Variants in AGMO observed in about 807,000 individuals in gnomAD.
The protein encoded by AGMO is glyceryl-ether monooxygenase.
Under a neutral mutation model 60.2 loss-of-function variants are expected in AGMO, and 75 were observed. The ratio of observed to expected loss-of-function variants is 1.25; its 90% CI spans 1.03 to 1.51. AGMO has a LOEUF of 1.51. AGMO is among the 40% of genes most tolerant of loss of function. The pLI is 0.00. For synonymous variants in AGMO, 261 were observed against 177.1 expected (o/e 1.47, Z -3.76); for missense variants, 763 against 525.5 (o/e 1.45, Z -4.42).
intron 12 of AGMO, among the ~76,000 whole-genome samples, chr7:15,345,562 T>C (rs755043425): frequency 8.5e-5 from 13 of 152,198 alleles, no homozygotes; most frequent in Non-Finnish European, 1.6e-4. Flanking sequence ...ACTATTTTAT[T>C]TGATCCTCCA....
At position 15,561,916 on chromosome 7, in the gene AGMO, G is replaced by C. The variant is rs774559035; in HGVS notation, c.-71C>G. ...TGCTTGAAGCCTGAGGCTGAACAAA[G>C]AGGACGAGATGTGCAGCTCAGAACA... On this transcript the variant is annotated 5_prime_UTR_variant, in exon 1 of 13. Transcript: ENST00000342526. 6.7e-7 allele frequency: 1 copy of C among 1,494,330 alleles called. No individual in the cohort carries two copies. The highest frequency in any genetic ancestry group is 2.3e-5 in the East Asian group (1 of 42,996). The allele number at this position is 1,494,330 out of a possible 1,614,324, so 92.6% of individuals were successfully genotyped here.
chr7:15,302,017 T>G (rs1780452978), intron 12 of AGMO, among the ~76,000 whole-genome samples: 2 of 152,146 alleles, frequency 1.3e-5, no homozygotes, highest in Non-Finnish European at 2.9e-5. Flanking sequence ...TTTATTTACT[T>G]AAAATATGTT....
chr7:15,347,366 T>A (rs952227533), intron 12 of AGMO, among the ~76,000 whole-genome samples: 1 of 152,056 alleles, frequency 6.6e-6, no homozygotes, highest in Non-Finnish European at 1.5e-5. Context: ...ACTTATAAAA[T>A]AGCACAACTG....
At chr7:15,309,272 G>A (rs924209343) in intron 12 of AGMO, among the ~76,000 whole-genome samples, 7 of 152,048 alleles carry the variant, frequency 4.6e-5, no homozygotes, top group Admixed American at 1.3e-4. Context: ...AGCTGAGTAG[G>A]GCCAACATTT....
chr7:15,485,546 G>A (rs1442601106), intron 3 of AGMO, among the ~76,000 whole-genome samples: 3 of 151,958 alleles, frequency 2.0e-5, no homozygotes, highest in Admixed American at 6.6e-5. Context: ...TTTTTGGTCA[G>A]GGAACCCTGT....
At chr7:15,357,396 C>G (rs556808078) in intron 12 of AGMO, among the ~76,000 whole-genome samples, 41 of 152,018 alleles carry the variant, frequency 2.7e-4, no homozygotes, top group African/African-American at 9.9e-4. Flanking sequence ...ACACTAACCA[C>G]CACCGTGAGA....
intron 12 of AGMO, among the ~76,000 whole-genome samples, chr7:15,319,867 G>C (rs562073286): frequency 6.6e-6 from 1 of 152,046 alleles, no homozygotes; most frequent in South Asian, 2.1e-4. Flanking sequence ...GCAGTATACA[G>C]TTACATAAAA....
chr7:15,529,540 T>G (rs1784221424), intron 3 of AGMO, among the ~76,000 whole-genome samples: 1 of 127,428 alleles, frequency 7.8e-6, no homozygotes, highest in Admixed American at 9.2e-5. Context: ...AATATATATA[T>G]ATTCTATATA....
intron 12 of AGMO, among the ~76,000 whole-genome samples, chr7:15,329,907 A>G (rs1353179303): frequency 6.6e-6 from 1 of 152,190 alleles, no homozygotes; most frequent in Admixed American, 6.5e-5. Flanking sequence ...TAAAGTTAAC[A>G]GAGTAGCAGC....
intron 3 of AGMO, among the ~76,000 whole-genome samples, chr7:15,449,322 G>T (rs1291818843): frequency 1.7e-5 from 2 of 115,740 alleles, no homozygotes; most frequent in East Asian, 4.3e-4. Context: ...CATATTAAGA[G>T]TGCTTCTCTT....
the AGMO span, among the ~76,000 whole-genome samples, chr7:15,154,750 T>C: frequency 6.6e-6 from 1 of 152,182 alleles, no homozygotes; most frequent in Non-Finnish European, 1.5e-5. Flanking sequence ...CTTTTGTTTG[T>C]ATGTTTAGCA....
chr7:15,392,680 T>C (rs1001873628), intron 6 of AGMO, among the ~76,000 whole-genome samples: 3 of 152,012 alleles, frequency 2.0e-5, no homozygotes, highest in African/African-American at 7.3e-5. Context: ...GCACCTGTAA[T>C]CCAAGTTACT....
the AGMO span, among the ~76,000 whole-genome samples, chr7:15,130,303 C>T: frequency 6.6e-6 from 1 of 151,756 alleles, no homozygotes; most frequent in Non-Finnish European, 1.5e-5. Flanking sequence ...ACTTACCCCA[C>T]CTTTTTTTTT....
the AGMO span, among the ~76,000 whole-genome samples, chr7:15,184,816 GGGAA>G: frequency 8.6e-5 from 7 of 81,702 alleles, no homozygotes; most frequent in African/African-American, 1.4e-4. Flanking sequence ...GAGGGAGGAA[GGGAA>G]GGAAGGAAGG....
intron 12 of AGMO, among the ~76,000 whole-genome samples, chr7:15,343,217 T>C (rs944395047): frequency 1.3e-5 from 2 of 152,172 alleles, no homozygotes; most frequent in African/African-American, 4.8e-5. Context: ...TTCTTTTTAT[T>C]ATGCCCCTTT....
the AGMO span, among the ~76,000 whole-genome samples, chr7:15,143,958 T>C: frequency 6.6e-6 from 1 of 152,322 alleles, no homozygotes. Flanking sequence ...TTGTAAATTA[T>C]ACATTTCAAT....
chr7:15,326,562 T>G (rs1361427674), intron 12 of AGMO, among the ~76,000 whole-genome samples: 1 of 152,200 alleles, frequency 6.6e-6, no homozygotes, highest in African/African-American at 2.4e-5. Context: ...TCCTCTTGCC[T>G]TACTCTTTTC....
chr7:15,179,922 G>A, the AGMO span, among the ~76,000 whole-genome samples: 2 of 152,120 alleles, frequency 1.3e-5, no homozygotes, highest in Non-Finnish European at 2.9e-5. Context: ...ATTGCCACAG[G>A]GGTACTGTGC....
At chr7:15,374,125 C>A (rs776953498) in intron 10 of AGMO, among the ~76,000 whole-genome samples, 30 of 152,270 alleles carry the variant, frequency 2.0e-4, no homozygotes, top group Admixed American at 1.9e-3. Flanking sequence ...AGAGCAGAAT[C>A]CAATGTGACA....
Sources: allele counts gnomAD v4.1 joint callset (sites outside exome capture counted in the v4.1 genomes callset), GRCh38; gene constraint gnomAD v4.1.1; transcripts MANE v1.5; gene names NCBI Gene and HGNC (gene_info 2026-07-23, HGNC 2026-07-21).